The following SPDEF variants were observed in gnomAD, a reference collection of about 807,000 sequenced individuals.
The protein encoded by SPDEF is SAM pointed domain containing ETS transcription factor.
In SPDEF, 12 loss-of-function variants were observed where a neutral mutation model predicts 36.0. That is an observed-to-expected ratio of 0.33 (90% confidence interval 0.21 to 0.54). The LOEUF is 0.54. Among genes scored for constraint, SPDEF ranks in the 20% least tolerant of loss-of-function variants. The pLI, the probability that SPDEF is intolerant of heterozygous loss-of-function variation, is 0.93. For missense variants in SPDEF, 388 were observed against 456.9 expected, an observed-to-expected ratio of 0.85 and a Z score of 1.37; for synonymous variants, 205 against 193.0, an observed-to-expected ratio of 1.06 and a Z score of -0.51.
At chr6:34,551,990 C>CATGTGT (rs1768071661) in intron 1 of SPDEF, among the ~76,000 whole-genome samples, 1 of 152,176 alleles carries the variant, frequency 6.6e-6, no homozygotes, top group Non-Finnish European at 1.5e-5. Context: ...TGGTTGAGCC[C>CATGTGT]ATGTGTATAT....
chr6:34,555,086 C>G lies in SPDEF; in HGVS notation c.-30+843G>C, dbSNP rs1403372223. ...CACACACATGCACATGCAACACGCA[C>G]GCGCACATGCACACACCACACACAC... On this transcript the variant is annotated intron_variant, in intron 1 of 5. Coordinates refer to ENST00000374037, the MANE Select transcript of SPDEF (RefSeq NM_012391.3). This position sits in a 1 kb window ranked among gnomAD's most constrained non-coding sequence, Gnocchi z 5.2. 2.0e-5 allele frequency among the ~76,000 whole-genome samples: 3 copies of G among 151,678 alleles called. No homozygotes were observed. Among genetic ancestry groups the G allele is most frequent in the Non-Finnish European group, 4.4e-5 (3 of 67,894 alleles).
chr6:34,547,001 C>T (rs1582002742), intron 1 of SPDEF, among the ~76,000 whole-genome samples: 2 of 144,794 alleles, frequency 1.4e-5, no homozygotes, highest in East Asian at 4.2e-4. Flanking sequence ...GACCCCCCCC[C>T]GCAGCCCCCC....
In SPDEF at chr6:34,555,048, G is replaced by A. The variant is rs908102038; in HGVS notation, c.-30+881C>T. 2.0e-5 allele frequency among the ~76,000 whole-genome samples: 3 copies of A among 151,932 alleles called. No individual in the cohort carries two copies. The highest frequency in any genetic ancestry group is 4.4e-5 in the Non-Finnish European group (3 of 67,952). ...ATCTTGGCCTGCCCCTCCCCAACAT[G>A]CACACACACGCACACACACATGCAC... is the stretch of plus-strand genomic sequence containing the variant. On this transcript the variant is annotated intron_variant, in intron 1 of 5. Coordinates refer to ENST00000374037, the MANE Select transcript of SPDEF (RefSeq NM_012391.3). This position sits in a 1 kb window ranked among gnomAD's most constrained non-coding sequence, Gnocchi z 5.2.
chr6:34,548,348 C>T (rs764208751), intron 1 of SPDEF, among the ~76,000 whole-genome samples: 1 of 152,166 alleles, frequency 6.6e-6, no homozygotes, highest in Non-Finnish European at 1.5e-5. Flanking sequence ...GACTGGGCTC[C>T]TTGATGCTCT....
chr6:34,540,164 T>C (rs2127282028), intron 3 of SPDEF, among the ~76,000 whole-genome samples: 1 of 152,128 alleles, frequency 6.6e-6, no homozygotes, highest in South Asian at 2.1e-4. Flanking sequence ...TAGCAGGGTG[T>C]GGTGGTGCAC....
intron 1 of SPDEF, among the ~76,000 whole-genome samples, chr6:34,548,486 G>T (rs967838729): frequency 6.6e-6 from 1 of 152,120 alleles, no homozygotes; most frequent in Admixed American, 6.5e-5. Context: ...CCAGTGGCTG[G>T]TGCCTACCTC....
At chr6:34,543,712 G>A (rs944948525) in intron 2 of SPDEF, among the ~76,000 whole-genome samples, 2 of 152,312 alleles carry the variant, frequency 1.3e-5, no homozygotes, top group South Asian at 2.1e-4. Flanking sequence ...CCAGTGTGGC[G>A]GGAGCAGAGT....
chr6:34,539,386 A>T lies in SPDEF; in HGVS notation c.693T>A (p.Ser231Arg), dbSNP rs1458603450. The change falls in exon 5 of 6, where the codon AGT becomes AGA. Residue 231 changes from serine to arginine, a missense_variant. Physicochemically the swap from Ser to Arg is moderately radical, Grantham distance 110. Transcript: ENST00000374037. This position sits in a 1 kb window ranked among gnomAD's most constrained non-coding sequence, Gnocchi z 5.2. ...CCTCGCTGTCGGTCCAGCTCTCCTC[A>T]CTGGTCGAGGCTGGGTGGCCAGGGA... ...PGAIHYCAST[S>R]EESWTDSEVD... 6.2e-7 allele frequency: 1 copy of T among 1,613,458 alleles called. No homozygotes were observed. Among genetic ancestry groups the T allele is most frequent in the East Asian group, 2.2e-5 (1 of 44,880 alleles).
intron 1 of SPDEF, among the ~76,000 whole-genome samples, chr6:34,549,305 G>C (rs547886001): frequency 6.6e-6 from 1 of 152,200 alleles, no homozygotes; most frequent in African/African-American, 2.4e-5. Flanking sequence ...GTGGGGTGGC[G>C]GCCAGGGGGA....
chr6:34,548,142 G>T (rs1767991751), intron 1 of SPDEF, among the ~76,000 whole-genome samples: 1 of 152,192 alleles, frequency 6.6e-6, no homozygotes, highest in Non-Finnish European at 1.5e-5. Flanking sequence ...CACATCACCC[G>T]CTTTCCTACC....
In SPDEF at chr6:34,550,971, T is replaced by C. The variant is rs113203540; in HGVS notation, c.-30+4958A>G. Among the ~76,000 whole-genome samples, 667 of 152,324 alleles carry C rather than the reference T, an allele frequency of 4.4e-3. 6 individuals carry two copies. Among genetic ancestry groups the C allele is most frequent in the Middle Eastern group, 0.02 (6 of 294 alleles). ...CTCACTGGCACTACTTCCAGCGCTT[T>C]CTGGGACAGGAGGAAGGTCAAACTG... On this transcript the variant is annotated intron_variant, in intron 1 of 5. Coordinates refer to ENST00000374037, the MANE Select transcript of SPDEF (RefSeq NM_012391.3).
chr6:34,554,466 T>G (rs1006291817), intron 1 of SPDEF, among the ~76,000 whole-genome samples: 2 of 152,188 alleles, frequency 1.3e-5, no homozygotes, highest in Non-Finnish European at 2.9e-5. Context: ...AATAAGCAAG[T>G]CTGGTAGTTT....
intron 3 of SPDEF, among the ~76,000 whole-genome samples, chr6:34,540,510 C>T (rs1028455257): frequency 6.6e-6 from 1 of 151,658 alleles, no homozygotes; most frequent in Admixed American, 6.6e-5. Flanking sequence ...AACAGTGGTT[C>T]CCTCTAGGGA....
chr6:34,548,567 G>A (rs1328538021), intron 1 of SPDEF, among the ~76,000 whole-genome samples: 1 of 152,184 alleles, frequency 6.6e-6, no homozygotes, highest in East Asian at 1.9e-4. Flanking sequence ...TTGTTTCATA[G>A]AATGGGAACA....
Position 34,538,488 on chromosome 6 carries a change from G to A in SPDEF, c.830-36C>T, listed in dbSNP as rs560913132. On this transcript the variant is annotated intron_variant, in intron 5 of 5. Coordinates refer to ENST00000374037, the MANE Select transcript of SPDEF (RefSeq NM_012391.3). The surrounding 1 kb of genome is among the most constrained non-coding windows in gnomAD (Gnocchi z 5.9). Reference sequence around the variant, plus strand: ...AGGGCCCCGAGAGAGCCAGTGGTATGAGTGAGGTGGCAAGAAGGAGAAAGA... The same window carrying A: ...AGGGCCCCGAGAGAGCCAGTGGTATAAGTGAGGTGGCAAGAAGGAGAAAGA... 8.3e-6 allele frequency: 13 copies of A among 1,572,344 alleles called. No homozygotes were observed. Among genetic ancestry groups the A allele is most frequent in the South Asian group, 5.7e-5 (5 of 87,210 alleles).
At position 34,541,711 on chromosome 6, in the gene SPDEF, G is replaced by C. The variant is rs539853334; in HGVS notation, c.437-530C>G. ...CCCCTTGTCCTCCACGGAATAAAGGGCTAGACGCACAGGAGCTGCTCCAGG... is the reference window on the plus strand; with the variant it reads ...CCCCTTGTCCTCCACGGAATAAAGGCCTAGACGCACAGGAGCTGCTCCAGG... On this transcript the variant is annotated intron_variant, in intron 2 of 5. Coordinates refer to ENST00000374037, the MANE Select transcript of SPDEF (RefSeq NM_012391.3). 3.9e-5 allele frequency among the ~76,000 whole-genome samples: 6 copies of C among 152,376 alleles called. No individual in the cohort carries two copies. The South Asian group carries it at 1.2e-3, about 32-fold the overall frequency.
At chr6:34,553,942 C>T (rs1227114176) in intron 1 of SPDEF, among the ~76,000 whole-genome samples, 2 of 142,564 alleles carry the variant, frequency 1.4e-5, no homozygotes, top group Non-Finnish European at 3.0e-5. Context: ...CACCCCCCAA[C>T]GCCCAGGAGA....
At chr6:34,547,249 G>A (rs1385227596) in intron 1 of SPDEF, among the ~76,000 whole-genome samples, 1 of 151,816 alleles carries the variant, frequency 6.6e-6, no homozygotes, top group African/African-American at 2.4e-5. Flanking sequence ...GGTCGGTGGG[G>A]ATGAATGGGC....
rs142725519 is a variant in SPDEF at position 34,545,191 on chromosome 6, C to T, written c.-29-707G>A. ...GTGCATGGTACCCACCTCCCCTTAC[C>T]CTCCCTCAGAAGGTGCTGCCCCCAG... is the stretch of plus-strand genomic sequence containing the variant. On this transcript the variant is annotated intron_variant, in intron 1 of 5. Transcript: ENST00000374037. Among the ~76,000 whole-genome samples, 34 of 152,310 alleles carry T rather than the reference C, an allele frequency of 2.2e-4. No homozygotes were observed. In the South Asian group the frequency reaches 5.6e-3, roughly 25 times the overall value.
Sources: allele counts gnomAD v4.1 joint callset (sites outside exome capture counted in the v4.1 genomes callset), GRCh38; gene constraint gnomAD v4.1.1; non-coding constraint Gnocchi (gnomAD v3.1); transcripts MANE v1.5; gene names NCBI Gene and HGNC (gene_info 2026-07-23, HGNC 2026-07-21).